Variants in DLGAP1 observed in about 807,000 individuals in gnomAD.
The protein encoded by DLGAP1 is DLG associated protein 1, also known as disks large-associated protein 1.
Under a neutral mutation model 90.8 loss-of-function variants are expected in DLGAP1, and 11 were observed. The ratio of observed to expected loss-of-function variants is 0.12; its 90% CI spans 0.08 to 0.20. DLGAP1 has a LOEUF of 0.20. Ranked by LOEUF, DLGAP1 falls within the 10% of genes least tolerant of loss-of-function variation. DLGAP1 has a pLI of 1.00. For missense variants in DLGAP1, 1,050 were observed against 1,333.8 expected, an observed-to-expected ratio of 0.79 and a Z score of 3.31; for synonymous variants, 558 against 540.7, an observed-to-expected ratio of 1.03 and a Z score of -0.44.
At chr18:3,899,897 G>A (rs73940251) in intron 3 of DLGAP1, among the ~76,000 whole-genome samples, 1 of 152,252 alleles carries the variant, frequency 6.6e-6, no homozygotes, top group African/African-American at 2.4e-5. Flanking sequence ...CCTGTGTCCT[G>A]TTAGAATTAG....
rs537317149 is a variant in DLGAP1 at position 3,622,136 on chromosome 18, GCT to G, written c.1592-39890_1592-39889del. Among the ~76,000 whole-genome samples, 994 of 150,168 alleles carry G rather than the reference GCT, an allele frequency of 6.6e-3. 6 individuals carry two copies. The highest frequency in any genetic ancestry group is 0.011 in the Non-Finnish European group (727 of 67,710). On this transcript the variant is annotated intron_variant, in intron 7 of 12. Coordinates refer to ENST00000315677, the MANE Select transcript of DLGAP1 (RefSeq NM_004746.4). ...TTTTTTTTTTTTGATATGGAGTCTC[GCT>G]CTGTCGCCCAGGCTAGAGTGCAGTG...
chr18:3,871,806 TGTA>T (rs1364603799), intron 4 of DLGAP1, among the ~76,000 whole-genome samples: 2 of 152,232 alleles, frequency 1.3e-5, no homozygotes, highest in Admixed American at 6.5e-5. Context: ...AAACAGCATG[TGTA>T]TAAATGCATA....
chr18:4,020,360 GAAT>G (rs1325774524), intron 2 of DLGAP1, among the ~76,000 whole-genome samples: 1 of 152,188 alleles, frequency 6.6e-6, no homozygotes, highest in East Asian at 1.9e-4. Flanking sequence ...TTAGCTACAT[GAAT>G]AATAATTCTA....
Position 3,871,929 on chromosome 18 carries a change from T to C in DLGAP1, c.957+7183A>G, listed in dbSNP as rs146582016. Among the ~76,000 whole-genome samples, 231 of 152,324 alleles carry C rather than the reference T, an allele frequency of 1.5e-3. 2 individuals are homozygous for C. The highest frequency in any genetic ancestry group is 5.3e-3 in the African/African-American group (220 of 41,582). ...CGCAGGCTCACATAATTCTGCTTCA[T>C]AGACAGTTCTGTGATATCACAAGCC... On this transcript the variant is annotated intron_variant, in intron 4 of 12. Coordinates refer to ENST00000315677, the MANE Select transcript of DLGAP1 (RefSeq NM_004746.4).
At chr18:3,906,807 T>C (rs1471741229) in intron 3 of DLGAP1, among the ~76,000 whole-genome samples, 1 of 152,188 alleles carries the variant, frequency 6.6e-6, no homozygotes, top group Non-Finnish European at 1.5e-5. Flanking sequence ...CATTGGAATT[T>C]ATAGATAACA....
chr18:4,369,605 C>T (rs28496698), intron 1 of DLGAP1, among the ~76,000 whole-genome samples: 23,468 of 151,662 alleles, frequency 0.15, 2,048 homozygotes, highest in East Asian at 0.28. Context: ...GAAACAGAGG[C>T]AATGACTCAC....
chr18:3,551,730 T>TC (rs1158297730), intron 9 of DLGAP1, among the ~76,000 whole-genome samples: 2 of 19,060 alleles, frequency 1.0e-4, no homozygotes, highest in African/African-American at 6.9e-4. Flanking sequence ...CTCCCTTCCT[T>TC]CCTTCCTTCC....
At chr18:3,955,615 G>A (rs1294340768) in intron 3 of DLGAP1, among the ~76,000 whole-genome samples, 1 of 152,110 alleles carries the variant, frequency 6.6e-6, no homozygotes, top group Non-Finnish European at 1.5e-5. Context: ...TCGGGAGGCT[G>A]AGGCAGGAGA....
At chr18:4,367,261 C>G (rs1038775865) in intron 1 of DLGAP1, among the ~76,000 whole-genome samples, 1 of 151,456 alleles carries the variant, frequency 6.6e-6, no homozygotes, top group East Asian at 1.9e-4. Context: ...ACAGTTAGTG[C>G]ACATATCGTT....
chr18:3,591,466 T>A (rs574317734), intron 7 of DLGAP1, among the ~76,000 whole-genome samples: 2 of 151,914 alleles, frequency 1.3e-5, no homozygotes, highest in African/African-American at 2.4e-5. Flanking sequence ...GGTGGGAGGA[T>A]CTCTTTGAGC....
rs1175101805 is a variant in DLGAP1, at chr18:4,235,719, C to CTTTTTTTTTTT, written c.-266-84443_-266-84433dup. 2.0e-4 allele frequency among the ~76,000 whole-genome samples: 16 copies of CTTTTTTTTTTT among 80,252 alleles called. 1 individual carries two copies. Among genetic ancestry groups the CTTTTTTTTTTT allele is most frequent in the African/African-American group, 7.6e-4 (15 of 19,824 alleles). The allele number at this position is 80,252 out of a possible 152,430, so 52.6% of individuals were successfully genotyped here. A position where few individuals can be genotyped will look rare whatever the true frequency, so the allele number is the denominator to read the frequency against. On this transcript the variant is annotated intron_variant, in intron 1 of 12. Transcript: ENST00000315677. The stretch of plus-strand genomic sequence containing the variant: ...GTTTTATAAATTTCAATTTCAATGT[C>CTTTTTTTTTTT]TTTTTTTTTTTTTTTTTTTTTTTTG...
rs1189866188 is a variant in DLGAP1, at chr18:3,738,380, C to G, written c.1350+3955G>C. On this transcript the variant is annotated intron_variant, in intron 6 of 12. Transcript: ENST00000315677. ...CACTATCTGACTTCAAACTATACTA[C>G]AAGGCTACAGTAACCAAAACAGCAT... Among the ~76,000 whole-genome samples, 159 of 148,062 alleles carry G rather than the reference C, an allele frequency of 1.1e-3. 2 individuals are homozygous for G. The highest frequency in any genetic ancestry group is 1.7e-3 in the Admixed American group (26 of 15,074).
chr18:3,710,938 G>A (rs747583306), intron 7 of DLGAP1, among the ~76,000 whole-genome samples: 29 of 152,176 alleles, frequency 1.9e-4, no homozygotes, highest in Non-Finnish European at 3.5e-4. Context: ...CCTGGTGAGT[G>A]TCTAATAAGT....
intron 1 of DLGAP1, among the ~76,000 whole-genome samples, chr18:4,448,993 C>T (rs1055661219): frequency 7.9e-5 from 12 of 152,188 alleles, no homozygotes; most frequent in African/African-American, 2.7e-4. Flanking sequence ...CACTTACAAA[C>T]CACATAGGGG....
intron 7 of DLGAP1, among the ~76,000 whole-genome samples, chr18:3,677,459 A>T (rs567887897): frequency 2.8e-4 from 43 of 152,258 alleles, no homozygotes; most frequent in African/African-American, 9.9e-4. Context: ...TCCATTCTAA[A>T]ATTACTCATT....
At chr18:4,011,175 C>CAA (rs35493947) in intron 2 of DLGAP1, among the ~76,000 whole-genome samples, 69 of 97,032 alleles carry the variant, frequency 7.1e-4, no homozygotes, top group Admixed American at 9.8e-4. Context: ...GATTCCGCCT[C>CAA]AAAAAAAAAA....
chr18:3,920,112 G>A (rs1283579953), intron 3 of DLGAP1, among the ~76,000 whole-genome samples: 1 of 152,112 alleles, frequency 6.6e-6, no homozygotes, highest in Non-Finnish European at 1.5e-5. Context: ...GGAGGCCGAG[G>A]CGGGCAGATC....
chr18:4,321,967 G>T (rs932992632), intron 1 of DLGAP1, among the ~76,000 whole-genome samples: 2 of 140,720 alleles, frequency 1.4e-5, no homozygotes, highest in African/African-American at 2.7e-5. Context: ...GGAGGCCTAG[G>T]GGGGTGGATC....
chr18:3,791,953 T>C (rs2065755069), intron 5 of DLGAP1, among the ~76,000 whole-genome samples: 1 of 152,214 alleles, frequency 6.6e-6, no homozygotes, highest in Admixed American at 6.5e-5. Context: ...CAATTCATCA[T>C]TTTTTAACAG....
Sources: allele counts gnomAD v4.1 joint callset (sites outside exome capture counted in the v4.1 genomes callset), GRCh38; gene constraint gnomAD v4.1.1; transcripts MANE v1.5; gene names NCBI Gene and HGNC (gene_info 2026-07-23, HGNC 2026-07-21).